The following TTC3 variants were observed in gnomAD, a reference collection of about 807,000 sequenced individuals.
TTC3 encodes tetratricopeptide repeat domain 3, also known as E3 ubiquitin-protein ligase TTC3.
Under a neutral mutation model 249.6 loss-of-function variants are expected in TTC3, and 180 were observed. The ratio of observed to expected loss-of-function variants is 0.72; its 90% CI spans 0.64 to 0.82. TTC3 has a LOEUF of 0.82. Ranked by LOEUF, TTC3 falls within the 40% of genes least tolerant of loss-of-function variation. The pLI is 0.00. For synonymous variants in TTC3, 717 were observed against 805.0 expected (o/e 0.89, Z 1.85); for missense variants, 2,061 against 2,398.4 (o/e 0.86, Z 2.94).
chr21:37,140,649 G>A (rs771916774), exon 20 of TTC3: 3 of 1,608,388 alleles, frequency 1.9e-6, no homozygotes, highest in South Asian at 1.1e-5. Flanking sequence ...TGTGGAATTG[G>A]AAAAGTATAT....
At chr21:37,201,682 T>A in exon 46 of TTC3, 2 of 1,380,378 alleles carry the variant, frequency 1.4e-6, no homozygotes, top group Non-Finnish European at 2.0e-6. Context: ...GCATTGTGTG[T>A]CACAAAGCTA....
intron 11 of TTC3, among the ~76,000 whole-genome samples, chr21:37,111,388 G>A (rs968004632): frequency 6.6e-6 from 1 of 152,112 alleles, no homozygotes; most frequent in African/African-American, 2.4e-5. Context: ...ACGAAAAAAG[G>A]CAGGGGTTGC....
chr21:37,188,597 T>A lies in TTC3; in HGVS notation c.5024+2T>A. On this transcript the variant is annotated splice_donor_variant, in intron 39 of 45. Transcript: ENST00000355666. LOFTEE classifies it high-confidence loss of function. ...GAAGAAGCTGGGGCTGATTAGCCGGTATTGCAGTTTCGTGGGTGTTCTCAG... is the reference window on the plus strand; with the variant it reads ...GAAGAAGCTGGGGCTGATTAGCCGGAATTGCAGTTTCGTGGGTGTTCTCAG... 2.5e-6 allele frequency: 4 copies of A among 1,613,522 alleles called. No homozygotes were observed. The highest frequency in any genetic ancestry group is 3.4e-6 in the Non-Finnish European group (4 of 1,179,526).
chr21:37,116,501 AT>A lies in TTC3; in HGVS notation c.901-5306del, dbSNP rs554869401. On this transcript the variant is annotated intron_variant, in intron 11 of 45. Transcript: ENST00000355666. Reference sequence around the variant, plus strand: ...CTGTATTTTCCTAAATTATAAAAATATTTTTTTTTTAAGTGAAGCTTTAGAT... The same window carrying A: ...CTGTATTTTCCTAAATTATAAAAATATTTTTTTTTAAGTGAAGCTTTAGAT... Among the ~76,000 whole-genome samples the A allele has an allele frequency of 4.2e-3, 619 of 148,858 alleles. 4 individuals are homozygous for A. Among genetic ancestry groups the A allele is most frequent in the Middle Eastern group, 7.9e-3 (2 of 254 alleles).
chr21:37,200,053 T>C (rs921488843), intron 44 of TTC3, among the ~76,000 whole-genome samples, 179 bp from the exon 45 acceptor site: 2 of 152,244 alleles, frequency 1.3e-5, no homozygotes, highest in Non-Finnish European at 2.9e-5. Flanking sequence ...TATTTTTATA[T>C]TTTTTCTTAA....
exon 33 of TTC3, chr21:37,166,516 T>C: frequency 1.9e-6 from 3 of 1,614,080 alleles, no homozygotes; most frequent in Non-Finnish European, 2.5e-6. Flanking sequence ...CTAACAGAAA[T>C]GATGAGCACT....
At chr21:37,140,316 A>G (rs1195278577) in intron 19 of TTC3, among the ~76,000 whole-genome samples, 1 of 152,136 alleles carries the variant, frequency 6.6e-6, no homozygotes, top group East Asian at 1.9e-4. Flanking sequence ...GTACTAGTAA[A>G]TGCTTATAGG....
At chr21:37,159,646 A>G in intron 28 of TTC3, 53 bp from the exon 29 acceptor site, 1 of 1,565,112 alleles carries the variant, frequency 6.4e-7, no homozygotes. Context: ...AGTGTACTAT[A>G]TGGAAATGTA....
chr21:37,198,356 T>G (rs2085141846), intron 44 of TTC3, among the ~76,000 whole-genome samples: 1 of 152,194 alleles, frequency 6.6e-6, no homozygotes, highest in South Asian at 2.1e-4. Context: ...GTACATCCAG[T>G]GTGGTATTTT....
At chr21:37,087,541 A>T in intron 2 of TTC3, 140 bp downstream of exon 2, 1 of 1,071,626 alleles carries the variant, frequency 9.3e-7, no homozygotes, top group Non-Finnish European at 1.4e-6. Context: ...TTGATTTGAG[A>T]AGGGAAAGTA....
chr21:37,091,231 T>C, intron 6 of TTC3, 62 bp from the exon 7 acceptor site: 1 of 1,533,558 alleles, frequency 6.5e-7, no homozygotes, highest in Non-Finnish European at 8.9e-7. Flanking sequence ...GAATTTATAA[T>C]GCCACATGCA....
chr21:37,173,001 G>T (rs2081942228), intron 35 of TTC3, among the ~76,000 whole-genome samples: 1 of 152,116 alleles, frequency 6.6e-6, no homozygotes, highest in Admixed American at 6.5e-5. Flanking sequence ...AGTTTCCCTG[G>T]TTAACTAAAA....
intron 12 of TTC3, among the ~76,000 whole-genome samples, chr21:37,122,593 G>A (rs2076711800): frequency 6.6e-6 from 1 of 151,682 alleles, no homozygotes; most frequent in Admixed American, 6.6e-5. Context: ...TAGTGTATGA[G>A]TCTTTCCTGC....
chr21:37,106,220 A>G (rs1051185712), intron 10 of TTC3, among the ~76,000 whole-genome samples: 8 of 152,188 alleles, frequency 5.3e-5, no homozygotes, highest in African/African-American at 1.9e-4. Context: ...TCTTTTGTGA[A>G]GTGCCTGTTG....
At chr21:37,095,275 C>T in intron 8 of TTC3, 75 bp from the exon 9 acceptor site, 1 of 879,620 alleles carries the variant, frequency 1.1e-6, no homozygotes, top group Non-Finnish European at 1.8e-6. Flanking sequence ...AATCCAGATC[C>T]ATTTTTACTA....
chr21:37,089,808 A>G (rs2073004954), intron 5 of TTC3, among the ~76,000 whole-genome samples: 1 of 151,974 alleles, frequency 6.6e-6, no homozygotes, highest in Non-Finnish European at 1.5e-5. Context: ...GCCTGTAGAA[A>G]CCTCACCTCT....
intron 40 of TTC3, 37 bp from the exon 41 acceptor site, chr21:37,192,075 A>C (rs146082479): frequency 6.5e-5 from 83 of 1,276,242 alleles, no homozygotes; most frequent in Admixed American, 2.4e-4. Flanking sequence ...ATTAATTGAC[A>C]ATTGTGGTTT....
intron 30 of TTC3, among the ~76,000 whole-genome samples, chr21:37,161,224 C>T (rs1335059678): frequency 6.6e-6 from 1 of 151,964 alleles, no homozygotes; most frequent in Non-Finnish European, 1.5e-5. Context: ...GATAGAATCC[C>T]TTCCTTCCTC....
chr21:37,157,171 A>G (rs1399825683), intron 28 of TTC3: 2 of 1,382,754 alleles, frequency 1.4e-6, no homozygotes, highest in Admixed American at 2.2e-5. Flanking sequence ...ATATTTTCAC[A>G]GCATCATGGG....
Sources: allele counts gnomAD v4.1 joint callset (sites outside exome capture counted in the v4.1 genomes callset), GRCh38; gene constraint gnomAD v4.1.1; transcripts MANE v1.5; gene names NCBI Gene and HGNC (gene_info 2026-07-23, HGNC 2026-07-21).